Variants in HMGCS1 observed in about 807,000 individuals in gnomAD.
HMGCS1 encodes hydroxymethylglutaryl-CoA synthase, cytoplasmic.
HMGCS1 carries 9 observed loss-of-function variants against 52.3 expected under a neutral mutation model. That is an observed-to-expected ratio of 0.17 (90% CI 0.10 to 0.30). The LOEUF is 0.30. Among genes scored for constraint, HMGCS1 ranks in the 10% least tolerant of loss-of-function variants. The pLI, the probability that HMGCS1 is intolerant of heterozygous loss-of-function variation, is 1.00. For synonymous variants in HMGCS1, 176 were observed against 214.4 expected (o/e 0.82, Z 1.57); for missense variants, 320 against 620.9 (o/e 0.52, Z 5.15).
intron 2 of HMGCS1, among the ~76,000 whole-genome samples, chr5:43,300,860 A>G (rs535213027): frequency 6.6e-6 from 1 of 152,124 alleles, no homozygotes; most frequent in Non-Finnish European, 1.5e-5. Flanking sequence ...TTCCTTCCAA[A>G]CAGAAGAATC....
chr5:43,311,735 T>C (rs1201468705), intron 1 of HMGCS1, among the ~76,000 whole-genome samples: 1 of 152,156 alleles, frequency 6.6e-6, no homozygotes, highest in East Asian at 1.9e-4. Flanking sequence ...GTAAAAGCAA[T>C]CTGGAGGGAT....
At chr5:43,292,227 G>T (rs998016203) in intron 10 of HMGCS1, among the ~76,000 whole-genome samples, 1 of 151,896 alleles carries the variant, frequency 6.6e-6, no homozygotes, top group Non-Finnish European at 1.5e-5. Flanking sequence ...TCCTGACCTC[G>T]TGATCTGCCT....
At chr5:43,308,961 A>G (rs141796932) in intron 1 of HMGCS1, among the ~76,000 whole-genome samples, 116 of 152,198 alleles carry the variant, frequency 7.6e-4, no homozygotes, top group African/African-American at 2.6e-3. Flanking sequence ...TATTCCAAAA[A>G]TGTCTCTAAT....
chr5:43,292,446 A>C, intron 10 of HMGCS1, 28 bp downstream of exon 10: 1 of 1,598,630 alleles, frequency 6.3e-7, no homozygotes, highest in Non-Finnish European at 8.6e-7. Flanking sequence ...AAACCCTAAG[A>C]TATGGAGATG....
At chr5:43,295,255 T>A (rs1416725608) in intron 6 of HMGCS1, among the ~76,000 whole-genome samples, 1 of 152,228 alleles carries the variant, frequency 6.6e-6, no homozygotes. Context: ...AGCCAAGTTT[T>A]AAAAGTCAAG....
rs530870763 is a variant in HMGCS1 at position 43,311,839 on chromosome 5, G to T, written c.-70+1517C>A. ...TCCTTTTACACTCCCTCCCCACAGC[G>T]TAAGTCAGACCTTCTGAGTGCTGGG... On this transcript the variant is annotated intron_variant, in intron 1 of 10. Transcript: ENST00000325110. Among the ~76,000 whole-genome samples the T allele has an allele frequency of 7.9e-5, 12 of 152,302 alleles. No homozygotes were observed. The East Asian group carries it at 2.1e-3, about 27-fold the overall frequency.
intron 7 of HMGCS1, 53 bp from the exon 8 acceptor site, chr5:43,294,215 G>A (rs78964554): frequency 0.011 from 12,352 of 1,103,214 alleles, 280 homozygotes; most frequent in African/African-American, 0.089. Context: ...AAGCTACAGC[G>A]TGTGGGAAGC....
In HMGCS1 at chr5:43,289,236, C is replaced by T. The variant is rs561228194; in HGVS notation, c.*1895G>A. On this transcript the variant is annotated 3_prime_UTR_variant, in exon 11 of 11. Coordinates refer to ENST00000325110, the MANE Select transcript of HMGCS1 (RefSeq NM_001098272.3). ...TCAAATTTCTGCCTTAAACAGAGCA[C>T]CTTGCTTATATTAGGATTTCAAATG... The T allele has an allele frequency of 5.9e-5, 9 of 152,186 alleles. No individual in the cohort carries two copies. The highest frequency in any genetic ancestry group is 2.1e-4 in the South Asian group (1 of 4,806). 9.4% of individuals were successfully genotyped at this position (152,186 alleles called of 1,614,324 possible).
chr5:43,306,717 G>GA (rs1754594849), intron 2 of HMGCS1, among the ~76,000 whole-genome samples: 3 of 152,044 alleles, frequency 2.0e-5, no homozygotes, highest in Admixed American at 2.0e-4. Flanking sequence ...TTCAGATAAG[G>GA]AAAATTCAAT....
chr5:43,297,382 T>C (rs971506102), intron 4 of HMGCS1, among the ~76,000 whole-genome samples: 3 of 152,224 alleles, frequency 2.0e-5, no homozygotes, highest in Admixed American at 6.5e-5. Flanking sequence ...CAACTTTCCA[T>C]GTCAGTTTCA....
intron 2 of HMGCS1, among the ~76,000 whole-genome samples, chr5:43,299,751 A>T (rs1448749370): frequency 6.6e-6 from 1 of 152,210 alleles, no homozygotes; most frequent in South Asian, 2.1e-4. Flanking sequence ...GGGACTAAAA[A>T]GTAGTGTCTA....
chr5:43,302,130 G>A (rs1348317202), intron 2 of HMGCS1, among the ~76,000 whole-genome samples: 1 of 152,130 alleles, frequency 6.6e-6, no homozygotes, highest in Non-Finnish European at 1.5e-5. Flanking sequence ...TTCCAGTTTG[G>A]TTTTCCTATC....
At chr5:43,297,922 T>C (rs1345329126) in intron 4 of HMGCS1, 87 bp downstream of exon 4, 2 of 1,156,478 alleles carry the variant, frequency 1.7e-6, no homozygotes, top group East Asian at 2.5e-5. Context: ...TTAATGACCA[T>C]TAAGTAAGCG....
chr5:43,293,985 G>T, intron 8 of HMGCS1, 71 bp downstream of exon 8: 3 of 1,015,216 alleles, frequency 3.0e-6, no homozygotes, highest in Non-Finnish European at 4.7e-6. Context: ...AAACTGCTGG[G>T]ATTACGGGTG....
chr5:43,296,039 A>AGAGAGGTTTC, intron 5 of HMGCS1, 122 bp from the exon 6 acceptor site: 1 of 647,982 alleles, frequency 1.5e-6, no homozygotes, highest in Non-Finnish European at 2.7e-6. Flanking sequence ...TACACTGTAT[A>AGAGAGGTTTC]ATGAAACCTC....
At chr5:43,308,063 A>C (rs185675342) in intron 1 of HMGCS1, among the ~76,000 whole-genome samples, 24 of 152,334 alleles carry the variant, frequency 1.6e-4, no homozygotes, top group Non-Finnish European at 3.4e-4. Flanking sequence ...CGGATATAAG[A>C]AGCCTACTAT....
chr5:43,308,327 G>C lies in HMGCS1; in HGVS notation c.-69-503C>G, dbSNP rs1209431366. ...GAAGCTAATACAGTTGCCCTCCCCA[G>C]ATCATTGTGAAGGATTGCTGAGATG... On this transcript the variant is annotated intron_variant, in intron 1 of 10. Coordinates refer to ENST00000325110, the MANE Select transcript of HMGCS1 (RefSeq NM_001098272.3). Among the ~76,000 whole-genome samples, 3 of 152,188 alleles carry C rather than the reference G, an allele frequency of 2.0e-5. No homozygotes were observed. In the East Asian group the frequency reaches 5.8e-4, roughly 29 times the overall value.
chr5:43,297,501 T>C (rs1754088199), intron 4 of HMGCS1, among the ~76,000 whole-genome samples: 1 of 152,158 alleles, frequency 6.6e-6, no homozygotes, highest in African/African-American at 2.4e-5. Flanking sequence ...AACCCACTTC[T>C]CTGTAAAGTG....
At chr5:43,296,423 A>T (rs888242559) in intron 5 of HMGCS1, among the ~76,000 whole-genome samples, 1 of 152,192 alleles carries the variant, frequency 6.6e-6, no homozygotes, top group Admixed American at 6.5e-5. Flanking sequence ...GATATTTGTC[A>T]TTGAATATGA....
Sources: allele counts gnomAD v4.1 joint callset (sites outside exome capture counted in the v4.1 genomes callset), GRCh38; gene constraint gnomAD v4.1.1; transcripts MANE v1.5; gene names NCBI Gene and HGNC (gene_info 2026-07-23, HGNC 2026-07-21).